PCM1: variants seen among roughly 807,000 people sequenced by gnomAD.
PCM1 encodes pericentriolar material 1 protein.
In PCM1, 157 loss-of-function variants were observed where a neutral mutation model predicts 241.9. That is an observed-to-expected ratio of 0.65 (90% CI 0.57 to 0.74). PCM1 has a LOEUF of 0.74. PCM1 is among the 30% of genes least tolerant of loss of function. PCM1 has a pLI of 0.00. For missense variants in PCM1, 3,478 were observed against 2,360.1 expected (o/e 1.47, Z -9.81); for synonymous variants, 1,085 against 784.9 (o/e 1.38, Z -6.39).
chr8:17,947,250 T>C lies in PCM1; in HGVS notation c.848T>C (p.Leu283Ser). The C allele has an allele frequency of 1.2e-6, 2 of 1,609,524 alleles. No individual in the cohort carries two copies. The highest frequency in any genetic ancestry group is 1.7e-6 in the Non-Finnish European group (2 of 1,176,150). Residue 283 changes from leucine (L) to serine (S), a missense_variant, in exon 7 of 39, where the codon TTA (leucine) becomes TCA (serine). By Grantham distance (145) the Leu-to-Ser change is moderately radical. Transcript: ENST00000325083. ...IENLKKQHDL[L>S]KRMLQQQEQL... The stretch of plus-strand genomic sequence containing the variant: ...AATTTGAAGAAACAACATGATTTAT[T>C]AAAAAGAATGTTACAACAGCAGGAG...
chr8:17,936,062 C>T (rs753830108), intron 3 of PCM1, among the ~76,000 whole-genome samples: 5 of 152,176 alleles, frequency 3.3e-5, no homozygotes, highest in Non-Finnish European at 5.9e-5. Context: ...ACACACCTTT[C>T]TCTTTACAGA....
In PCM1 at chr8:18,029,670, G is replaced by C. The variant is rs907336256; in HGVS notation, c.*2008G>C. ...TTTAGTTTTAAAATACGTAGGGTTT[G>C]AGAGCAGATATATTTATTTAATCTG... On this transcript the variant is annotated 3_prime_UTR_variant, in exon 39 of 39. Transcript: ENST00000325083. The C allele has an allele frequency of 2.0e-5, 4 of 199,194 alleles. No individual in the cohort carries two copies. The highest frequency in any genetic ancestry group is 7.8e-5 in the East Asian group (1 of 12,746). The allele number at this position is 199,194 out of a possible 1,614,324, so 12.3% of individuals were successfully genotyped here. A position where few individuals can be genotyped will look rare whatever the true frequency, so the allele number is the denominator to read the frequency against.
intron 36 of PCM1, chr8:18,015,694 G>C (rs1312709818): frequency 6.6e-6 from 1 of 152,058 alleles, no homozygotes; most frequent in African/African-American, 2.4e-5. Flanking sequence ...ATTTTATTGT[G>C]TCTCAGATTT....
At chr8:17,994,163 A>G (rs1405505385) in intron 29 of PCM1, among the ~76,000 whole-genome samples, 2 of 152,168 alleles carry the variant, frequency 1.3e-5, no homozygotes, top group Non-Finnish European at 2.9e-5. Context: ...TGTACCCATT[A>G]ACCATCTTCC....
chr8:17,966,479 C>T lies in PCM1; in HGVS notation c.3221+6C>T. 1 of 1,612,772 alleles carries T rather than the reference C, an allele frequency of 6.2e-7. No individual in the cohort carries two copies. The highest frequency in any genetic ancestry group is 1.3e-5 in the African/African-American group (1 of 75,016). ...CAACAGAATAATGTTCAGAGGTAAT[C>T]TGTTTCTTAGAAGTATTGAGACTGT... On this transcript the variant is annotated splice_donor_region_variant and intron_variant, in intron 20 of 38. Transcript: ENST00000325083.
intron 1 of PCM1, among the ~76,000 whole-genome samples, chr8:17,923,773 A>T (rs960389702): frequency 1.3e-5 from 2 of 151,918 alleles, no homozygotes; most frequent in Non-Finnish European, 2.9e-5. Context: ...GTTCCTGGGA[A>T]GGTTAATGGA....
At chr8:17,985,364 C>A in intron 24 of PCM1, 83 bp from the exon 25 acceptor site, 1 of 824,802 alleles carries the variant, frequency 1.2e-6, no homozygotes, top group Non-Finnish European at 1.8e-6. Flanking sequence ...TAATTTAAAG[C>A]TGAGAGTAAT....
chr8:17,956,168 G>C (rs1008626305), intron 10 of PCM1, among the ~76,000 whole-genome samples: 1 of 152,190 alleles, frequency 6.6e-6, no homozygotes, highest in Non-Finnish European at 1.5e-5. Flanking sequence ...GTAGTATGTA[G>C]TGTATAGATC....
intron 29 of PCM1, among the ~76,000 whole-genome samples, chr8:17,994,290 C>T (rs1366866314): frequency 6.6e-6 from 1 of 152,154 alleles, no homozygotes; most frequent in Non-Finnish European, 1.5e-5. Context: ...TGAAGTTTGT[C>T]TTTCTGTGCC....
chr8:18,014,235 G>T (rs1696775612), intron 35 of PCM1, among the ~76,000 whole-genome samples, 199 bp downstream of exon 35: 1 of 151,944 alleles, frequency 6.6e-6, no homozygotes, highest in Admixed American at 6.6e-5. Flanking sequence ...ATAAAGAAAA[G>T]GTGACAAATA....
At chr8:17,969,356 T>G (rs138233726) in intron 21 of PCM1, 1 of 433,476 alleles carries the variant, frequency 2.3e-6, no homozygotes, top group East Asian at 4.5e-5. Context: ...CTTTTAGCTC[T>G]TAAGGGAGTG....
intron 24 of PCM1, among the ~76,000 whole-genome samples, chr8:17,981,101 A>C (rs2080606132): frequency 6.6e-6 from 1 of 152,178 alleles, no homozygotes; most frequent in South Asian, 2.1e-4. Context: ...CTACAGGATA[A>C]AGTCTGAATG....
intron 2 of PCM1, chr8:17,926,488 T>A (rs1348780637): frequency 1.3e-5 from 2 of 152,212 alleles, no homozygotes; most frequent in African/African-American, 4.8e-5. Context: ...TAAATTTACA[T>A]TTTAAAAGTA....
intron 23 of PCM1, among the ~76,000 whole-genome samples, chr8:17,973,933 A>G (rs1028183585): frequency 1.3e-5 from 2 of 152,196 alleles, no homozygotes; most frequent in African/African-American, 4.8e-5. Context: ...AACCTTAGAA[A>G]AATCTAATGA....
chr8:17,928,931 C>G (rs911001795), intron 2 of PCM1, among the ~76,000 whole-genome samples: 1 of 152,134 alleles, frequency 6.6e-6, no homozygotes, highest in Non-Finnish European at 1.5e-5. Flanking sequence ...CGCACCCGAC[C>G]AGTATCTCCC....
intron 6 of PCM1, among the ~76,000 whole-genome samples, chr8:17,945,976 A>G (rs2063644394): frequency 6.6e-6 from 1 of 152,214 alleles, no homozygotes; most frequent in Non-Finnish European, 1.5e-5. Flanking sequence ...ACTTTTTAAA[A>G]GGTAAATCGG....
intron 36 of PCM1, among the ~76,000 whole-genome samples, chr8:18,024,467 TC>T (rs1445218795): frequency 6.6e-6 from 1 of 152,248 alleles, no homozygotes; most frequent in African/African-American, 2.4e-5. Flanking sequence ...GAGTAACTCT[TC>T]TAACTCTTTT....
intron 30 of PCM1, among the ~76,000 whole-genome samples, chr8:18,006,829 C>A (rs2091466454): frequency 6.6e-6 from 1 of 152,098 alleles, no homozygotes; most frequent in African/African-American, 2.4e-5. Flanking sequence ...TATAGTAAGT[C>A]AGTAACTGGG....
intron 6 of PCM1, among the ~76,000 whole-genome samples, chr8:17,946,165 T>C (rs1262494114): frequency 5.3e-5 from 8 of 152,190 alleles, no homozygotes; most frequent in African/African-American, 1.9e-4. Context: ...GTGCCACTTA[T>C]TTAATCCATC....
Sources: allele counts gnomAD v4.1 joint callset (sites outside exome capture counted in the v4.1 genomes callset), GRCh38; gene constraint gnomAD v4.1.1; transcripts MANE v1.5; gene names NCBI Gene and HGNC (gene_info 2026-07-23, HGNC 2026-07-21).